Variants in NGEF observed in about 807,000 individuals in gnomAD.
The protein encoded by NGEF is ephexin-1.
In NGEF, 31 loss-of-function variants were observed where a neutral mutation model predicts 80.9. The observed-to-expected ratio is 0.38, with a 90% CI of 0.29 to 0.52. The LOEUF (loss-of-function observed/expected upper bound fraction) is 0.52, where lower values mean the gene tolerates loss of function less well. NGEF is among the 20% of genes least tolerant of loss of function. NGEF has a pLI of 0.84. For synonymous variants in NGEF, 371 were observed against 370.2 expected (o/e 1.00, Z -0.03); for missense variants, 709 against 926.2 (o/e 0.77, Z 3.04).
intron 5 of NGEF, among the ~76,000 whole-genome samples, chr2:232,913,358 A>C (rs2106268624): frequency 6.6e-6 from 1 of 152,304 alleles, no homozygotes; most frequent in African/African-American, 2.4e-5. Context: ...ACTTTCTATG[A>C]CTTCAATTCT....
chr2:232,909,726 C>A (rs1575010938), intron 5 of NGEF, among the ~76,000 whole-genome samples: 2 of 152,242 alleles, frequency 1.3e-5, no homozygotes, highest in African/African-American at 4.8e-5. Context: ...CCCACGCTCC[C>A]CCCACACCTA....
At chr2:232,982,909 C>G (rs950918640) in intron 1 of NGEF, among the ~76,000 whole-genome samples, 1 of 152,180 alleles carries the variant, frequency 6.6e-6, no homozygotes, top group Admixed American at 6.5e-5. Context: ...TCTGGCTTGG[C>G]AGAAAAGTCC....
intron 1 of NGEF, among the ~76,000 whole-genome samples, chr2:232,993,036 A>AAT (rs1377191622): frequency 2.8e-5 from 4 of 140,696 alleles, no homozygotes; most frequent in Admixed American, 2.3e-4. Flanking sequence ...TAAATATATA[A>AAT]ATATATATAT....
At position 232,885,375 on chromosome 2, in the gene NGEF, A is replaced by G. The variant is rs779920966; in HGVS notation, c.1348-6T>C. 6.2e-7 allele frequency: 1 copy of G among 1,613,436 alleles called. No homozygotes were observed. The highest frequency in any genetic ancestry group is 8.5e-7 in the Non-Finnish European group (1 of 1,179,536). On this transcript the variant is annotated splice_polypyrimidine_tract_variant and splice_region_variant and intron_variant, in intron 9 of 14. Transcript: ENST00000264051. ...TCGTTGCATGCCTTCACCACCTGGG[A>G]CAAGAAGGAGGGCACATCAGGCCAC...
intron 9 of NGEF, among the ~76,000 whole-genome samples, chr2:232,887,033 G>A (rs1183611619): frequency 3.9e-5 from 6 of 152,252 alleles, no homozygotes; most frequent in Admixed American, 6.5e-5. Flanking sequence ...GGTGGGAACC[G>A]ACTGCAATAG....
At chr2:232,896,859 G>A (rs1264717082) in intron 5 of NGEF, among the ~76,000 whole-genome samples, 1 of 124,598 alleles carries the variant, frequency 8.0e-6, no homozygotes, top group African/African-American at 3.3e-5. Context: ...TGAGGGTGAC[G>A]GTGGGTATAG....
chr2:232,956,781 TAAAAAAAAAAA>T (rs57407464), intron 3 of NGEF, among the ~76,000 whole-genome samples: 3 of 62,114 alleles, frequency 4.8e-5, no homozygotes, highest in South Asian at 7.5e-4. Flanking sequence ...AGACTCCATC[TAAAAAAAAAAA>T]AAAAAAAAAA....
At chr2:232,971,036 A>G (rs140562540) in intron 2 of NGEF, among the ~76,000 whole-genome samples, 64 of 151,704 alleles carry the variant, frequency 4.2e-4, no homozygotes, top group African/African-American at 1.5e-3. Context: ...AATATGAAAT[A>G]ATAAGTCCAG....
chr2:232,890,532 C>T (rs1404525238), intron 8 of NGEF, among the ~76,000 whole-genome samples: 2 of 152,178 alleles, frequency 1.3e-5, no homozygotes, highest in Non-Finnish European at 2.9e-5. Context: ...TGTCCAAAGT[C>T]ATCTCAAACT....
intron 2 of NGEF, among the ~76,000 whole-genome samples, chr2:232,973,243 T>C (rs545522592): frequency 5.3e-4 from 80 of 152,360 alleles, no homozygotes; most frequent in African/African-American, 1.9e-3. Context: ...AGCTTCCTCG[T>C]GTGTGAGAAT....
At chr2:232,981,630 T>G (rs897724198) in intron 1 of NGEF, among the ~76,000 whole-genome samples, 2 of 152,042 alleles carry the variant, frequency 1.3e-5, no homozygotes, top group African/African-American at 4.8e-5. Flanking sequence ...CAAACCTCAC[T>G]TCAATCCCTA....
chr2:232,879,483 TG>T lies in NGEF; in HGVS notation c.*5del. ...GCCCTGCTCCCGCTGGCCCCCTGGG[TG>T]GGGGTCATTGCCGATTCCGGCTGCC... is the stretch of plus-strand genomic sequence containing the variant. On this transcript the variant is annotated 3_prime_UTR_variant, in exon 15 of 15. Transcript: ENST00000264051. 6.8e-7 allele frequency: 1 copy of T among 1,480,448 alleles called. No homozygotes were observed. The highest frequency in any genetic ancestry group is 2.6e-5 in the East Asian group (1 of 39,190). The allele number at this position is 1,480,448 out of a possible 1,614,324, so 91.7% of individuals were successfully genotyped here. A position where few individuals can be genotyped will look rare whatever the true frequency, so the allele number is the denominator to read the frequency against.
At chr2:232,913,410 G>A (rs1452727494) in intron 5 of NGEF, among the ~76,000 whole-genome samples, 1 of 152,188 alleles carries the variant, frequency 6.6e-6, no homozygotes, top group African/African-American at 2.4e-5. Flanking sequence ...CTTGGTGACA[G>A]CTCTTTTTGC....
intron 5 of NGEF, among the ~76,000 whole-genome samples, chr2:232,906,202 G>A (rs1349988577): frequency 1.1e-3 from 22 of 20,638 alleles, no homozygotes; most frequent in East Asian, 2.9e-3. Flanking sequence ...CAGCCGCCCC[G>A]TCCGGGAAGG....
intron 3 of NGEF, among the ~76,000 whole-genome samples, chr2:232,930,937 A>G (rs1348984403): frequency 6.6e-6 from 1 of 152,222 alleles, no homozygotes; most frequent in Non-Finnish European, 1.5e-5. Context: ...TCTAAATATC[A>G]TCTCAATCAG....
intron 3 of NGEF, among the ~76,000 whole-genome samples, chr2:232,937,490 A>G (rs900760298): frequency 2.0e-5 from 3 of 152,330 alleles, no homozygotes; most frequent in East Asian, 3.9e-4. Flanking sequence ...GGCCGCCCAG[A>G]TGAAAGCTGA....
At chr2:232,899,466 C>T (rs974278311) in intron 5 of NGEF, among the ~76,000 whole-genome samples, 2 of 152,208 alleles carry the variant, frequency 1.3e-5, no homozygotes, top group Non-Finnish European at 1.5e-5. Context: ...TCAGGCTCCT[C>T]TTTTGTGATC....
intron 5 of NGEF, chr2:232,901,456 CT>C: frequency 1.0e-6 from 1 of 985,352 alleles, no homozygotes; most frequent in South Asian, 4.7e-5. Flanking sequence ...CTCCCGACCC[CT>C]GTGTTAACAA....
chr2:233,010,306 T>C (rs926250566), intron 1 of NGEF, among the ~76,000 whole-genome samples: 8 of 152,220 alleles, frequency 5.3e-5, no homozygotes, highest in Admixed American at 2.6e-4. Context: ...ACCTGGAATG[T>C]GCTATCTGTG....
Sources: gnomAD v4.1 joint callset for allele counts (sites outside exome capture counted in the v4.1 genomes callset) on GRCh38, gnomAD v4.1.1 for gene constraint, MANE v1.5 for transcripts, NCBI Gene and HGNC (gene_info 2026-07-23, HGNC 2026-07-21) for gene names.